MGAM: variants seen among roughly 807,000 people sequenced by gnomAD.
MGAM encodes the protein maltase-glucoamylase, also known as alpha-1,4-glucosidase.
In MGAM, 253 loss-of-function variants were observed where a neutral mutation model predicts 358.8. The ratio of observed to expected loss-of-function variants is 0.71; its 90% CI spans 0.64 to 0.78. The LOEUF (loss-of-function observed/expected upper bound fraction) is 0.78. Among genes scored for constraint, MGAM ranks in the 30% least tolerant of loss-of-function variants. The probability of loss-of-function intolerance (pLI) is 0.00; values close to 1 mark genes in which losing one functional copy is unlikely to be tolerated. For synonymous variants in MGAM, 1,105 were observed against 1,227.1 expected (o/e 0.90, Z 2.08); for missense variants, 3,080 against 3,432.6 (o/e 0.90, Z 2.57).
rs551347805 is a variant in MGAM at position 142,094,326 on chromosome 7, C to T, written c.7173-38C>T. 3,926 of 1,495,808 alleles carry T rather than the reference C, an allele frequency of 2.6e-3. 630 individuals carry two copies. The highest frequency in any genetic ancestry group is 3.2e-3 in the Non-Finnish European group (3,493 of 1,102,466). The allele number at this position is 1,495,808 out of a possible 1,614,324, so 92.7% of individuals were successfully genotyped here. On this transcript the variant is annotated intron_variant, in intron 60 of 70. Coordinates refer to ENST00000475668, the MANE Select transcript of MGAM (RefSeq NM_001365693.1). ...ATGCTCTATGGCCTTTGCTTCCTGG[C>T]GGTGCCCTCAGTTCACCTCCTTTTC...
At chr7:142,080,170 C>T (rs1021322447) in intron 49 of MGAM, among the ~76,000 whole-genome samples, 6 of 146,688 alleles carry the variant, frequency 4.1e-5, no homozygotes, top group Non-Finnish European at 9.3e-5. Context: ...CAATGTTAGG[C>T]ATTTCCTTCT....
chr7:142,047,990 T>G (rs369090726), intron 22 of MGAM, 117 bp downstream of exon 22: 1 of 797,606 alleles, frequency 1.3e-6, no homozygotes. Flanking sequence ...GTAGCAAGAG[T>G]CACTTAAGTA....
In MGAM at chr7:142,085,902, G is replaced by T. The variant is rs768649204; in HGVS notation, c.6577G>T (p.Gly2193Trp). The T allele has an allele frequency of 6.4e-7, 1 of 1,566,230 alleles. No homozygotes were observed. The highest frequency in any genetic ancestry group is 2.3e-5 in the East Asian group (1 of 43,942). ...CTTCACCCTCAGCCCCAAGTTTGCC[G>T]GGTTTCCAGCTCTGATCAATCGCAT... ...LDFTLSPKFA[G>W]FPALINRMKA... is the part of the protein sequence containing the mutation. Residue 2193 changes from glycine to tryptophan, a missense_variant, in exon 55 of 71, where the codon GGG becomes TGG. Physicochemically the swap from Gly to Trp is radical, Grantham distance 184. Around this residue, in one of 5 missense-constraint regions of MGAM, gnomAD observed 932 missense variants for 1,198.2 expected, o/e 0.78. Transcript: ENST00000475668.
At chr7:142,003,748 G>C (rs969709842) in intron 1 of MGAM, among the ~76,000 whole-genome samples, 10 of 151,848 alleles carry the variant, frequency 6.6e-5, no homozygotes, top group African/African-American at 2.4e-4. Flanking sequence ...AAATAAAATA[G>C]AGTAAACAGA....
chr7:141,994,807 G>T, upstream of MGAM, among the ~76,000 whole-genome samples: 1 of 152,204 alleles, frequency 6.6e-6, no homozygotes, highest in Admixed American at 6.5e-5. Flanking sequence ...CTGCCGCCAT[G>T]TTAAGAAGTC....
intron 14 of MGAM, among the ~76,000 whole-genome samples, chr7:142,033,880 A>G (rs1197293462): frequency 6.6e-6 from 1 of 152,234 alleles, no homozygotes; most frequent in Non-Finnish European, 1.5e-5. Context: ...ATTCTCTACA[A>G]TATATGATCA....
intron 3 of MGAM, among the ~76,000 whole-genome samples, chr7:142,013,247 G>T (rs1247164807): frequency 1.3e-5 from 2 of 152,092 alleles, no homozygotes; most frequent in Non-Finnish European, 2.9e-5. Context: ...TGGGAATAGG[G>T]TGGGTGGCAG....
rs192074830 is a variant in MGAM at position 142,044,204 on chromosome 7, A to G, written c.2498+3358A>G. Among the ~76,000 whole-genome samples the G allele has an allele frequency of 5.3e-3, 670 of 126,016 alleles. 66 individuals carry two copies. The highest frequency in any genetic ancestry group is 0.027 in the Middle Eastern group (3 of 112). 82.7% of individuals were successfully genotyped at this position (126,016 alleles called of 152,430 possible). A position where few individuals can be genotyped will look rare whatever the true frequency, so the allele number is the denominator to read the frequency against. ...ACATACGACATATAATATATAATAT[A>G]TACATTATATACACATACGACATAT... On this transcript the variant is annotated intron_variant, in intron 21 of 70. Coordinates refer to ENST00000475668, the MANE Select transcript of MGAM (RefSeq NM_001365693.1).
chr7:142,022,408 C>T lies in MGAM; in HGVS notation c.851C>T (p.Pro284Leu), dbSNP rs782344799. 2 of 1,613,488 alleles carry T rather than the reference C, an allele frequency of 1.2e-6. No homozygotes were observed. The highest frequency in any genetic ancestry group is 1.7e-6 in the Non-Finnish European group (2 of 1,179,612). The change falls in exon 7 of 71, where the codon CCC becomes CTC. Residue 284 changes from proline (P) to leucine (L), a missense_variant. Coordinates refer to ENST00000475668, the MANE Select transcript of MGAM (RefSeq NM_001365693.1). ...CATGATATGAATTGGAAGACCTGGC[C>T]CATATTTAACAGAGACACAACTCCC... is the stretch of plus-strand genomic sequence containing the variant. ...YRHDMNWKTW[P>L]IFNRDTTPNG...
In MGAM at chr7:142,016,306, C is replaced by A. The variant is rs1004449166; in HGVS notation, c.328-2893C>A. On this transcript the variant is annotated intron_variant, in intron 3 of 70. Transcript: ENST00000475668. ...ACTCCTCTTCGTGTTGGCGAAAGAG[C>A]CTGTATAGCTATTATATAAAAAGTA... Among the ~76,000 whole-genome samples, 3 of 152,114 alleles carry A rather than the reference C, an allele frequency of 2.0e-5. No individual in the cohort carries two copies. The East Asian group carries it at 5.8e-4, about 29-fold the overall frequency.
intron 21 of MGAM, among the ~76,000 whole-genome samples, chr7:142,044,291 T>C (rs1180011694): frequency 1.1e-5 from 1 of 93,368 alleles, no homozygotes; most frequent in Non-Finnish European, 2.5e-5. Context: ...ATACGACATA[T>C]AATATATACT....
chr7:142,092,299 C>T lies in MGAM; in HGVS notation c.6946-222C>T, dbSNP rs549039633. Among the ~76,000 whole-genome samples the T allele has an allele frequency of 4.3e-4, 63 of 145,780 alleles. 4 individuals carry two copies. Among genetic ancestry groups the T allele is most frequent in the African/African-American group, 1.5e-3 (61 of 40,980 alleles). ...TTCTTGGAACTTTCACTGCCTCACG[C>T]CCACCTTGAGAGAGATTTTTTTTTA... is the stretch of plus-strand genomic sequence containing the variant. On this transcript the variant is annotated intron_variant, in intron 58 of 70. Coordinates refer to ENST00000475668, the MANE Select transcript of MGAM (RefSeq NM_001365693.1).
At chr7:142,099,042 C>G (rs1020944020) in intron 66 of MGAM, among the ~76,000 whole-genome samples, 1 of 152,108 alleles carries the variant, frequency 6.6e-6, no homozygotes, top group Non-Finnish European at 1.5e-5. Flanking sequence ...CATATTTGTT[C>G]GCTTGTTGTC....
At chr7:142,078,616 G>T in intron 48 of MGAM, 146 bp downstream of exon 48, 2 of 1,094,216 alleles carry the variant, frequency 1.8e-6, no homozygotes, top group South Asian at 3.4e-5. Flanking sequence ...ACAAGTAGGT[G>T]GGGACATGTG....
At chr7:142,000,736 C>T (rs1448928791) in intron 1 of MGAM, among the ~76,000 whole-genome samples, 1 of 151,832 alleles carries the variant, frequency 6.6e-6, no homozygotes, top group African/African-American at 2.4e-5. Context: ...ACATTGATTC[C>T]CAAGTGTGTA....
In MGAM at chr7:142,093,529, C is replaced by T. The variant is rs1275975761; in HGVS notation, c.7151C>T (p.Ser2384Phe). 1 of 1,502,426 alleles carries T rather than the reference C, an allele frequency of 6.7e-7. No homozygotes were observed. Among genetic ancestry groups the T allele is most frequent in the East Asian group, 2.5e-5 (1 of 40,614 alleles). 93.1% of individuals were successfully genotyped at this position (1,502,426 alleles called of 1,614,324 possible). A position where few individuals can be genotyped will look rare whatever the true frequency, so the allele number is the denominator to read the frequency against. ...HYNVHNLYGW[S>F]QTRPTYEAVQ... ...AATGTGCACAACCTGTACGGGTGGT[C>T]CCAGACCAGACCCACATACGAGTGA... The change falls in exon 60 of 71, where the codon TCC (serine) becomes TTC (phenylalanine). Residue 2384 changes from serine (S) to phenylalanine (F), a missense_variant. Around this residue, in one of 5 missense-constraint regions of MGAM, gnomAD observed 932 missense variants for 1,198.2 expected, o/e 0.78. Coordinates refer to ENST00000475668, the MANE Select transcript of MGAM (RefSeq NM_001365693.1).
At chr7:142,047,206 A>G (rs1280896289) in intron 21 of MGAM, among the ~76,000 whole-genome samples, 1 of 152,150 alleles carries the variant, frequency 6.6e-6, no homozygotes, top group African/African-American at 2.4e-5. Flanking sequence ...CTACTTTACC[A>G]TGTATTTGAG....
intron 3 of MGAM, among the ~76,000 whole-genome samples, chr7:142,010,634 C>T (rs1043895875): frequency 6.6e-6 from 1 of 152,136 alleles, no homozygotes; most frequent in Non-Finnish European, 1.5e-5. Flanking sequence ...CCTATCCATT[C>T]CGTTACATGT....
intron 1 of MGAM, among the ~76,000 whole-genome samples, chr7:141,997,251 C>T (rs1804321703): frequency 6.6e-6 from 1 of 152,094 alleles, no homozygotes; most frequent in African/African-American, 2.4e-5. Flanking sequence ...TCCAAACTGT[C>T]TACAGTCTGT....
Sources: gnomAD v4.1 joint callset for allele counts (sites outside exome capture counted in the v4.1 genomes callset) on GRCh38, gnomAD v4.1.1 for gene constraint, gnomAD v4.1.1 regional missense constraint, MANE v1.5 for transcripts, NCBI Gene and HGNC (gene_info 2026-07-23, HGNC 2026-07-21) for gene names.